The following RFTN1 variants were observed in gnomAD, a reference collection of about 807,000 sequenced individuals.
RFTN1 encodes the protein raftlin, lipid raft linker 1.
A neutral mutation model predicts 46.5 loss-of-function variants in RFTN1; 26 were observed. That is an observed-to-expected ratio of 0.56 (90% CI 0.41 to 0.78). RFTN1 has a LOEUF of 0.78. Among genes scored for constraint, RFTN1 ranks in the 30% least tolerant of loss-of-function variants. RFTN1 has a pLI of 0.00. For missense variants in RFTN1, 693 were observed against 718.7 expected (o/e 0.96, Z 0.41); for synonymous variants, 261 against 284.2 (o/e 0.92, Z 0.82).
At chr3:16,495,439 A>T (rs576460278) in intron 1 of RFTN1, among the ~76,000 whole-genome samples, 9 of 152,400 alleles carry the variant, frequency 5.9e-5, no homozygotes, top group South Asian at 2.1e-4. Flanking sequence ...TGCCTACTAC[A>T]GGCAAAGCAT....
At chr3:16,417,263 G>A (rs2075100702) in intron 3 of RFTN1, among the ~76,000 whole-genome samples, 1 of 151,568 alleles carries the variant, frequency 6.6e-6, no homozygotes, top group African/African-American at 2.4e-5. Flanking sequence ...GCCTCCTAAA[G>A]TGCTGAGAAT....
intron 3 of RFTN1, 129 bp from the exon 4 acceptor site, chr3:16,409,612 G>C (rs910607021): frequency 1.9e-5 from 11 of 590,854 alleles, no homozygotes; most frequent in Non-Finnish European, 3.1e-5. Context: ...CCACCTCCCG[G>C]GTTCAAGCAA....
chr3:16,476,446 T>C (rs1307131586), intron 2 of RFTN1, among the ~76,000 whole-genome samples: 1 of 152,130 alleles, frequency 6.6e-6, no homozygotes, highest in Non-Finnish European at 1.5e-5. Flanking sequence ...TAAACAATAA[T>C]ATGATTTCAG....
In RFTN1 at chr3:16,498,374, C is replaced by T. The variant is rs993061806; in HGVS notation, c.-8-4497G>A. Among the ~76,000 whole-genome samples the T allele has an allele frequency of 4.6e-5, 7 of 152,196 alleles. No homozygotes were observed. Among genetic ancestry groups the T allele is most frequent in the Non-Finnish European group, 7.3e-5 (5 of 68,040 alleles). On this transcript the variant is annotated intron_variant, in intron 1 of 9. Transcript: ENST00000334133. This position sits in a 1 kb window ranked among gnomAD's most constrained non-coding sequence, Gnocchi z 5.2. ...GTACCTCACTTCTCTTTTCTGTACA[C>T]AAAACACTGCCAGGATGTGTTTCAG...
rs1248288159 is a variant in RFTN1, at chr3:16,337,037, A to C, written c.1147-10161T>G. On this transcript the variant is annotated intron_variant, in intron 7 of 9. Coordinates refer to ENST00000334133, the MANE Select transcript of RFTN1 (RefSeq NM_015150.2). The surrounding 1 kb of genome is among the most constrained non-coding windows in gnomAD (Gnocchi z 5.0). ...CTTGGGACTTGCTCTGACAAATAGG[A>C]TATGGCAGATGTGACATTACGGTCA... The C allele has an allele frequency of 6.6e-6, 1 of 152,122 alleles. No individual in the cohort carries two copies. The highest frequency in any genetic ancestry group is 1.5e-5 in the Non-Finnish European group (1 of 68,030). The allele number at this position is 152,122 out of a possible 1,614,324, so 9.4% of individuals were successfully genotyped here.
rs1553577339 is a variant in RFTN1, at chr3:16,387,610, CTA to C, written c.442-9510_442-9509del. 3.4e-4 allele frequency among the ~76,000 whole-genome samples: 45 copies of C among 132,608 alleles called. 2 individuals carry two copies. Among genetic ancestry groups the C allele is most frequent in the Admixed American group, 1.2e-3 (15 of 12,916 alleles). The allele number at this position is 132,608 out of a possible 152,430, so 87.0% of individuals were successfully genotyped here. A position where few individuals can be genotyped will look rare whatever the true frequency, so the allele number is the denominator to read the frequency against. ...TCTCTCTCTCTCTCTCTCTCTCTCT[CTA>C]CTGGCTCCTTCCACTCAGCATACAA... On this transcript the variant is annotated intron_variant, in intron 4 of 9. Coordinates refer to ENST00000334133, the MANE Select transcript of RFTN1 (RefSeq NM_015150.2). The surrounding 1 kb of genome is among the most constrained non-coding windows in gnomAD (Gnocchi z 5.2).
chr3:16,472,884 A>G (rs1205068871), intron 2 of RFTN1, among the ~76,000 whole-genome samples: 2 of 152,030 alleles, frequency 1.3e-5, no homozygotes, highest in African/African-American at 4.8e-5. Flanking sequence ...GTCACCAAGA[A>G]CTCTGGATTC....
intron 1 of RFTN1, among the ~76,000 whole-genome samples, chr3:16,496,354 C>A (rs892629699): frequency 2.6e-5 from 4 of 152,220 alleles, no homozygotes; most frequent in Non-Finnish European, 4.4e-5. Flanking sequence ...GGACTCACAT[C>A]CACCATGAAT....
intron 3 of RFTN1, among the ~76,000 whole-genome samples, chr3:16,411,947 C>G (rs1180551445): frequency 3.9e-5 from 6 of 152,224 alleles, no homozygotes; most frequent in Admixed American, 3.9e-4. Flanking sequence ...AAGCAACTCA[C>G]AGCCCAGATC....
rs1224671587 is a variant in RFTN1 at position 16,473,427 on chromosome 3, G to A, written c.145+20298C>T. The stretch of plus-strand genomic sequence containing the variant: ...CTTTTTTTTTTTTTCCTGAGATAGA[G>A]TCTGGCTCTGTCGCCAAGGCTGGAG... On this transcript the variant is annotated intron_variant, in intron 2 of 9. Coordinates refer to ENST00000334133, the MANE Select transcript of RFTN1 (RefSeq NM_015150.2). This position sits in a 1 kb window ranked among gnomAD's most constrained non-coding sequence, Gnocchi z 5.3. 3.3e-5 allele frequency among the ~76,000 whole-genome samples: 5 copies of A among 150,262 alleles called. No homozygotes were observed. Among genetic ancestry groups the A allele is most frequent in the African/African-American group, 1.2e-4 (5 of 40,558 alleles).
In RFTN1 at chr3:16,345,788, C is replaced by CTGTGTGTGTGTGTGTG. The variant is rs370820242; in HGVS notation, c.1146+12128_1146+12143dup. Reference sequence around the variant, plus strand: ...TGAGCCAAAACCTTATAATAAATCTCTGTGTGTGTGTGTGTGTGTGTGTGT... The same window carrying CTGTGTGTGTGTGTGTG: ...TGAGCCAAAACCTTATAATAAATCTCTGTGTGTGTGTGTGTGTGTGTGTGTGTGTGTGTGTGTGTGT... On this transcript the variant is annotated intron_variant, in intron 7 of 9. Coordinates refer to ENST00000334133, the MANE Select transcript of RFTN1 (RefSeq NM_015150.2). The surrounding 1 kb of genome is among the most constrained non-coding windows in gnomAD (Gnocchi z 5.2). Among the ~76,000 whole-genome samples, 314 of 127,198 alleles carry CTGTGTGTGTGTGTGTG rather than the reference C, an allele frequency of 2.5e-3. 1 individual carries two copies. Among genetic ancestry groups the CTGTGTGTGTGTGTGTG allele is most frequent in the African/African-American group, 6.3e-3 (207 of 33,090 alleles). 83.4% of individuals were successfully genotyped at this position (127,198 alleles called of 152,430 possible).
chr3:16,395,499 G>A (rs1053729315), intron 4 of RFTN1, among the ~76,000 whole-genome samples: 1 of 151,898 alleles, frequency 6.6e-6, no homozygotes, highest in Admixed American at 6.6e-5. Flanking sequence ...AGGCTGGAGT[G>A]CAGTGGTGTG....
rs1269843087 is a variant in RFTN1, at chr3:16,338,549, T to G, written c.1147-11673A>C. On this transcript the variant is annotated intron_variant, in intron 7 of 9. Coordinates refer to ENST00000334133, the MANE Select transcript of RFTN1 (RefSeq NM_015150.2). This position sits in a 1 kb window ranked among gnomAD's most constrained non-coding sequence, Gnocchi z 5.3. The stretch of plus-strand genomic sequence containing the variant: ...GGTGAGGGGGTCCTCCCAGGCCAAC[T>G]TAGAAATAGCTTTGTTTGATAACAA... Among the ~76,000 whole-genome samples the G allele has an allele frequency of 1.3e-5, 2 of 152,242 alleles. No individual in the cohort carries two copies. The highest frequency in any genetic ancestry group is 1.3e-4 in the Admixed American group (2 of 15,288).
intron 8 of RFTN1, among the ~76,000 whole-genome samples, 194 bp downstream of exon 8, chr3:16,326,579 C>T (rs1367957255): frequency 1.3e-5 from 2 of 152,112 alleles, no homozygotes; most frequent in East Asian, 1.9e-4. Context: ...AAGAGGGGTG[C>T]AGGGGAGTTC....
chr3:16,435,849 G>C (rs549644914), intron 2 of RFTN1, among the ~76,000 whole-genome samples: 1 of 150,022 alleles, frequency 6.7e-6, no homozygotes, highest in African/African-American at 2.5e-5. Flanking sequence ...AACATCTCAT[G>C]TACCCTATAA....
chr3:16,390,792 A>G (rs754418365), intron 4 of RFTN1, among the ~76,000 whole-genome samples: 1 of 152,246 alleles, frequency 6.6e-6, no homozygotes, highest in African/African-American at 2.4e-5. Flanking sequence ...GTCAGAGTAG[A>G]CACTGCATCT....
rs1297363473 is a variant in RFTN1 at position 16,351,738 on chromosome 3, G to T, written c.1146+6194C>A. On this transcript the variant is annotated intron_variant, in intron 7 of 9. Coordinates refer to ENST00000334133, the MANE Select transcript of RFTN1 (RefSeq NM_015150.2). The surrounding 1 kb of genome is among the most constrained non-coding windows in gnomAD (Gnocchi z 5.4). ...ATGTCTTAATTTAAATGATTTAAAA[G>T]CATATAAACTATAAGTGCAAAAACA... Among the ~76,000 whole-genome samples, 1 of 152,166 alleles carries T rather than the reference G, an allele frequency of 6.6e-6. No homozygotes were observed. The highest frequency in any genetic ancestry group is 1.5e-5 in the Non-Finnish European group (1 of 68,034).
At chr3:16,462,824 C>G (rs1255241761) in intron 2 of RFTN1, among the ~76,000 whole-genome samples, 2 of 152,242 alleles carry the variant, frequency 1.3e-5, no homozygotes, top group Admixed American at 1.3e-4. Flanking sequence ...GACCTTTAAA[C>G]TACAACTTGC....
At chr3:16,488,378 C>T (rs1378801008) in intron 2 of RFTN1, among the ~76,000 whole-genome samples, 4 of 152,152 alleles carry the variant, frequency 2.6e-5, no homozygotes, top group Admixed American at 2.0e-4. Flanking sequence ...GGATTACAGG[C>T]GTGAGCCACT....
Sources: gnomAD v4.1 joint callset for allele counts (sites outside exome capture counted in the v4.1 genomes callset) on GRCh38, gnomAD v4.1.1 for gene constraint, Gnocchi (gnomAD v3.1) non-coding constraint, MANE v1.5 for transcripts, NCBI Gene and HGNC (gene_info 2026-07-23, HGNC 2026-07-21) for gene names.